NPAS3: variants seen among roughly 807,000 people sequenced by gnomAD.
The protein encoded by NPAS3 is neuronal PAS domain-containing protein 3.
A neutral mutation model predicts 73.1 loss-of-function variants in NPAS3; 14 were observed. The ratio of observed to expected loss-of-function variants is 0.19; its 90% CI spans 0.13 to 0.30. The LOEUF is 0.30. Ranked by LOEUF, NPAS3 falls within the 10% of genes least tolerant of loss-of-function variation. The pLI is 1.00. For synonymous variants in NPAS3, 620 were observed against 541.5 expected, an observed-to-expected ratio of 1.14 and a Z score of -2.01; for missense variants, 1,096 against 1,250.0, an observed-to-expected ratio of 0.88 and a Z score of 1.86.
intron 5 of NPAS3, among the ~76,000 whole-genome samples, chr14:33,580,611 G>C (rs554404876): frequency 8.8e-4 from 134 of 152,226 alleles, no homozygotes; most frequent in Middle Eastern, 3.4e-3. Flanking sequence ...GTGGTTGCCT[G>C]CTGCCTCATT....
chr14:33,282,503 G>C (rs1464437700), intron 3 of NPAS3, among the ~76,000 whole-genome samples: 1 of 152,200 alleles, frequency 6.6e-6, no homozygotes, highest in Non-Finnish European at 1.5e-5. Context: ...AATCCTGGGT[G>C]AGAGGGACAC....
chr14:33,217,567 A>G (rs970539162), intron 3 of NPAS3, among the ~76,000 whole-genome samples: 1 of 152,152 alleles, frequency 6.6e-6, no homozygotes, highest in African/African-American at 2.4e-5. Flanking sequence ...ACCTGTATTT[A>G]TTTAACATAA....
At chr14:33,011,187 AT>A (rs1372337282) in intron 1 of NPAS3, among the ~76,000 whole-genome samples, 3 of 152,128 alleles carry the variant, frequency 2.0e-5, no homozygotes, top group African/African-American at 7.2e-5. Context: ...GTACTGCATC[AT>A]TTTTCACCAT....
chr14:33,580,084 G>A lies in NPAS3; in HGVS notation c.558+19874G>A, dbSNP rs538666065. Among the ~76,000 whole-genome samples the A allele has an allele frequency of 3.9e-5, 6 of 152,266 alleles. 1 individual carries two copies. In the South Asian group the frequency reaches 1.0e-3, roughly 26 times the overall value. ...CCTACTGGGTAGTCTTGAAGCTACT[G>A]TCACAATGTTTATAGACTCTCTGGC... On this transcript the variant is annotated intron_variant, in intron 5 of 11. Transcript: ENST00000356141.
At chr14:33,231,618 ATAT>A (rs1566704373) in intron 3 of NPAS3, among the ~76,000 whole-genome samples, 2 of 152,308 alleles carry the variant, frequency 1.3e-5, no homozygotes, top group East Asian at 3.9e-4. Context: ...AGCAATTTTA[ATAT>A]TAATTGGGTA....
chr14:33,548,786 G>A (rs931074911), intron 4 of NPAS3, among the ~76,000 whole-genome samples: 10 of 152,134 alleles, frequency 6.6e-5, no homozygotes, highest in Non-Finnish European at 1.2e-4. Context: ...AGAATGACAA[G>A]GTCTGCCCTT....
At chr14:33,067,185 G>C (rs959710035) in intron 2 of NPAS3, among the ~76,000 whole-genome samples, 1 of 152,168 alleles carries the variant, frequency 6.6e-6, no homozygotes, top group African/African-American at 2.4e-5. Flanking sequence ...GGAGCAGGAT[G>C]ACACTTTACC....
intron 5 of NPAS3, among the ~76,000 whole-genome samples, chr14:33,602,228 G>A (rs1259054134): frequency 6.6e-6 from 1 of 152,224 alleles, no homozygotes; most frequent in Admixed American, 6.5e-5. Flanking sequence ...AGCAGGCAAG[G>A]CTGGGGGAAG....
rs188587497 is a variant in NPAS3, at chr14:33,410,165, C to G, written c.468+42897C>G. ...AGGAATTAAAAATAATAAATAGAAT[C>G]TCTTGAAAGAGTCTTTCTGTGGTTA... On this transcript the variant is annotated intron_variant, in intron 4 of 11. Transcript: ENST00000356141. 4.0e-3 allele frequency among the ~76,000 whole-genome samples: 604 copies of G among 152,248 alleles called. 1 individual carries two copies. Among genetic ancestry groups the G allele is most frequent in the Middle Eastern group, 0.017 (5 of 294 alleles).
intron 6 of NPAS3, among the ~76,000 whole-genome samples, chr14:33,693,596 C>G (rs942925515): frequency 6.6e-6 from 1 of 152,162 alleles, no homozygotes; most frequent in African/African-American, 2.4e-5. Context: ...AAGTCCCATA[C>G]AAACAGTAGC....
chr14:33,780,609 C>G (rs374610114), intron 9 of NPAS3: 1 of 454,764 alleles, frequency 2.2e-6, no homozygotes, highest in African/African-American at 2.0e-5. Flanking sequence ...ATCATGCTAT[C>G]TCTCTGGGAT....
intron 4 of NPAS3, among the ~76,000 whole-genome samples, chr14:33,373,714 T>C (rs2046196371): frequency 6.6e-6 from 1 of 152,190 alleles, no homozygotes; most frequent in Admixed American, 6.6e-5. Context: ...GTAAACCCTC[T>C]TGTATCTATG....
intron 5 of NPAS3, among the ~76,000 whole-genome samples, chr14:33,667,194 G>A (rs906649800): frequency 3.9e-5 from 6 of 152,048 alleles, no homozygotes; most frequent in Non-Finnish European, 8.8e-5. Flanking sequence ...AGCATATTAC[G>A]AATCAGAGCG....
chr14:33,360,457 T>C (rs1207110563), intron 3 of NPAS3, among the ~76,000 whole-genome samples: 2 of 152,204 alleles, frequency 1.3e-5, no homozygotes, highest in African/African-American at 4.8e-5. Context: ...ACCTTTTATT[T>C]ATTTTGTAAA....
chr14:32,971,978 G>A (rs1035708368), intron 1 of NPAS3, among the ~76,000 whole-genome samples: 7 of 122,966 alleles, frequency 5.7e-5, no homozygotes, highest in Non-Finnish European at 9.5e-5. Flanking sequence ...CTCACTCTTC[G>A]ACCAGGCAGG....
intron 2 of NPAS3, chr14:33,214,956 A>G (rs1163811533): frequency 3.6e-6 from 2 of 548,252 alleles, no homozygotes; most frequent in Admixed American, 6.9e-5. Context: ...AACAAGTAAA[A>G]CACAATTTTT....
intron 4 of NPAS3, among the ~76,000 whole-genome samples, chr14:33,482,053 G>T (rs1331314887): frequency 7.3e-6 from 1 of 137,602 alleles, no homozygotes; most frequent in South Asian, 2.4e-4. Flanking sequence ...TCAGAAGCAA[G>T]TTTTTTTTTT....
At chr14:33,293,255 G>T (rs1342520985) in intron 3 of NPAS3, among the ~76,000 whole-genome samples, 1 of 152,144 alleles carries the variant, frequency 6.6e-6, no homozygotes, top group Admixed American at 6.5e-5. Flanking sequence ...AAATATATGA[G>T]AAATCAATTT....
intron 1 of NPAS3, among the ~76,000 whole-genome samples, chr14:33,006,197 A>G (rs2038997855): frequency 6.6e-6 from 1 of 152,194 alleles, no homozygotes; most frequent in African/African-American, 2.4e-5. Context: ...GAAAAGATAA[A>G]GAGGAGGCAC....
Sources: gnomAD v4.1 joint callset for allele counts (sites outside exome capture counted in the v4.1 genomes callset) on GRCh38, gnomAD v4.1.1 for gene constraint, MANE v1.5 for transcripts, NCBI Gene and HGNC (gene_info 2026-07-23, HGNC 2026-07-21) for gene names.